COL25A1: variants seen among roughly 807,000 people sequenced by gnomAD.
COL25A1 encodes the protein collagen alpha-1(XXV) chain.
A neutral mutation model predicts 128.4 loss-of-function variants in COL25A1; 103 were observed. The observed-to-expected ratio is 0.80, with a 90% confidence interval of 0.68 to 0.94. COL25A1 has a LOEUF of 0.94. Ranked by LOEUF, COL25A1 falls within the 40% of genes least tolerant of loss-of-function variation. COL25A1 has a pLI of 0.00. For missense variants in COL25A1, 745 were observed against 840.0 expected (o/e 0.89, Z 1.40); for synonymous variants, 279 against 277.2 (o/e 1.01, Z -0.06).
chr4:108,852,670 G>A (rs2125774338), intron 25 of COL25A1, among the ~76,000 whole-genome samples: 2 of 152,212 alleles, frequency 1.3e-5, no homozygotes, highest in South Asian at 4.1e-4. Flanking sequence ...AAGCTATATT[G>A]TTCAGATAAG....
At chr4:108,971,860 G>C (rs1751944669) in intron 8 of COL25A1, among the ~76,000 whole-genome samples, 1 of 152,196 alleles carries the variant, frequency 6.6e-6, no homozygotes. Context: ...GTGGTTAGTA[G>C]AAGAGAGAGA....
intron 3 of COL25A1, among the ~76,000 whole-genome samples, chr4:109,203,542 T>G (rs922666169): frequency 6.6e-6 from 1 of 151,566 alleles, no homozygotes; most frequent in South Asian, 2.1e-4. Context: ...GGAAAGCAAT[T>G]TCTAAGGCCA....
At chr4:108,993,598 G>A (rs763892114) in intron 6 of COL25A1, among the ~76,000 whole-genome samples, 3 of 152,272 alleles carry the variant, frequency 2.0e-5, no homozygotes, top group South Asian at 2.1e-4. Flanking sequence ...GGTGACTCAC[G>A]CCTGTAATCC....
chr4:108,923,175 C>T (rs1198780547), intron 11 of COL25A1, among the ~76,000 whole-genome samples: 2 of 152,222 alleles, frequency 1.3e-5, no homozygotes, highest in Admixed American at 1.3e-4. Context: ...TAAAGTTAAG[C>T]TTACAAATCA....
chr4:109,164,275 T>C (rs910183800), intron 3 of COL25A1, among the ~76,000 whole-genome samples: 2 of 152,172 alleles, frequency 1.3e-5, no homozygotes, highest in Non-Finnish European at 2.9e-5. Context: ...GACACAGCCC[T>C]GAAAGGAATT....
Position 109,113,508 on chromosome 4 carries a change from A to G in COL25A1, c.368-63329T>C, listed in dbSNP as rs192195758. ...CTCTAATTCTCATGTGTCCATTTTG[A>G]TATTTTTATCTCAATATAGTTTTTC... On this transcript the variant is annotated intron_variant, in intron 3 of 37. Coordinates refer to ENST00000399132, the MANE Select transcript of COL25A1 (RefSeq NM_198721.4). 2.1e-3 allele frequency among the ~76,000 whole-genome samples: 325 copies of G among 152,224 alleles called. 2 individuals carry two copies. The highest frequency in any genetic ancestry group is 4.1e-3 in the Non-Finnish European group (277 of 67,994).
intron 3 of COL25A1, among the ~76,000 whole-genome samples, chr4:109,160,705 C>G (rs17040014): frequency 6.6e-6 from 1 of 152,022 alleles, no homozygotes; most frequent in Non-Finnish European, 1.5e-5. Context: ...AGGAAGAGCT[C>G]TATGACCCAC....
intron 3 of COL25A1, among the ~76,000 whole-genome samples, chr4:109,254,469 TTATATATATATATATATATATA>T (rs55997800): frequency 3.0e-4 from 18 of 59,584 alleles, no homozygotes; most frequent in South Asian, 9.9e-4. Context: ...AGGCATATGT[TTATATATATATATATATATATA>T]TATATATATA....
intron 3 of COL25A1, among the ~76,000 whole-genome samples, chr4:109,167,989 T>A (rs1773236604): frequency 6.6e-6 from 1 of 152,118 alleles, no homozygotes; most frequent in Admixed American, 6.6e-5. Flanking sequence ...ACCCAATCAA[T>A]TTGGGTAGAA....
At chr4:109,078,342 A>G (rs1334659620) in intron 3 of COL25A1, among the ~76,000 whole-genome samples, 2 of 152,216 alleles carry the variant, frequency 1.3e-5, no homozygotes, top group Non-Finnish European at 2.9e-5. Flanking sequence ...TAAGTTAACC[A>G]TGTGAATTTC....
intron 3 of COL25A1, among the ~76,000 whole-genome samples, chr4:109,105,205 C>T (rs913815136): frequency 2.0e-5 from 3 of 152,136 alleles, no homozygotes; most frequent in Non-Finnish European, 4.4e-5. Context: ...GGCACAGTAG[C>T]TTACACACCT....
chr4:109,184,503 G>T (rs192962725), intron 3 of COL25A1, among the ~76,000 whole-genome samples: 1 of 152,166 alleles, frequency 6.6e-6, no homozygotes, highest in Admixed American at 6.5e-5. Context: ...TCCTAGTGTC[G>T]GATACACAAT....
chr4:109,137,633 C>T (rs1265418045), intron 3 of COL25A1, among the ~76,000 whole-genome samples: 1 of 152,134 alleles, frequency 6.6e-6, no homozygotes, highest in African/African-American at 2.4e-5. Context: ...TATCATATAT[C>T]CCATTAGATT....
chr4:109,066,635 G>A (rs1044422560), intron 3 of COL25A1, among the ~76,000 whole-genome samples: 1 of 152,174 alleles, frequency 6.6e-6, no homozygotes, highest in Non-Finnish European at 1.5e-5. Flanking sequence ...ATGGATGAAC[G>A]AACTCCAAAA....
At chr4:109,098,689 T>G (rs1329099748) in intron 3 of COL25A1, among the ~76,000 whole-genome samples, 1 of 152,192 alleles carries the variant, frequency 6.6e-6, no homozygotes, top group Non-Finnish European at 1.5e-5. Flanking sequence ...TTTAACCAGT[T>G]GTACTGTCTG....
chr4:108,928,876 G>A (rs1285770540), intron 11 of COL25A1, among the ~76,000 whole-genome samples: 1 of 152,076 alleles, frequency 6.6e-6, no homozygotes, highest in African/African-American at 2.4e-5. Context: ...GCCATATGTA[G>A]CTAATGGTGA....
intron 3 of COL25A1, among the ~76,000 whole-genome samples, chr4:109,257,868 A>G (rs1781178718): frequency 6.6e-6 from 1 of 152,228 alleles, no homozygotes; most frequent in Non-Finnish European, 1.5e-5. Flanking sequence ...TTAAGAGGAG[A>G]ACCAAAATTT....
chr4:109,300,855 T>C (rs1651782813), intron 2 of COL25A1, among the ~76,000 whole-genome samples: 1 of 152,172 alleles, frequency 6.6e-6, no homozygotes, highest in Non-Finnish European at 1.5e-5. Flanking sequence ...GGTATCAAGA[T>C]TGCTGGACTT....
At chr4:109,277,204 C>T (rs1722932410) in intron 3 of COL25A1, among the ~76,000 whole-genome samples, 1 of 152,152 alleles carries the variant, frequency 6.6e-6, no homozygotes, top group Non-Finnish European at 1.5e-5. Flanking sequence ...CCTTGTATCC[C>T]TCTCTCCATG....
Sources: gnomAD v4.1 joint callset for allele counts (sites outside exome capture counted in the v4.1 genomes callset) on GRCh38, gnomAD v4.1.1 for gene constraint, MANE v1.5 for transcripts, NCBI Gene and HGNC (gene_info 2026-07-23, HGNC 2026-07-21) for gene names.